MTO1: variants seen among roughly 807,000 people sequenced by gnomAD.
The protein encoded by MTO1 is mitochondrial tRNA translation optimization 1, also known as 5-taurinomethyluridine-[tRNA] synthase subunit MTO1, mitochondrial.
In MTO1, 46 loss-of-function variants were observed where a neutral mutation model predicts 71.6. The ratio of observed to expected loss-of-function variants is 0.64; its 90% CI spans 0.51 to 0.82. The LOEUF (loss-of-function observed/expected upper bound fraction) is 0.82, where lower values mean the gene tolerates loss of function less well. Among genes scored for constraint, MTO1 ranks in the 40% least tolerant of loss-of-function variants. The pLI is 0.00. For missense variants in MTO1, 773 were observed against 867.5 expected (o/e 0.89, Z 1.37); for synonymous variants, 297 against 312.1 (o/e 0.95, Z 0.51).
intron 9 of MTO1, among the ~76,000 whole-genome samples, chr6:73,485,046 C>CAAA (rs56004560): frequency 1.9e-5 from 2 of 105,026 alleles, no homozygotes; most frequent in Non-Finnish European, 3.9e-5. Context: ...GTCTCTGTAT[C>CAAA]AAAAAAAAAA....
At position 73,470,889 on chromosome 6, in the gene MTO1, G is replaced by A. The variant is rs141076078; in HGVS notation, c.536-2476G>A. On this transcript the variant is annotated intron_variant, in intron 3 of 11. Transcript: ENST00000498286. ...AATCACTTGAACCTGGGAGATGGAG[G>A]TTGCAGTGAGCTGAGATCTTGCTAC... Among the ~76,000 whole-genome samples, 4 of 152,264 alleles carry A rather than the reference G, an allele frequency of 2.6e-5. No individual in the cohort carries two copies. In the East Asian group the frequency reaches 7.7e-4, roughly 29 times the overall value.
chr6:73,471,264 A>G (rs1189128767), intron 3 of MTO1, among the ~76,000 whole-genome samples: 1 of 147,674 alleles, frequency 6.8e-6, no homozygotes, highest in Non-Finnish European at 1.5e-5. Flanking sequence ...CTATGATTTT[A>G]TATATAATAT....
At chr6:73,499,286 G>A (rs1268425055) in intron 11 of MTO1, among the ~76,000 whole-genome samples, 3 of 152,032 alleles carry the variant, frequency 2.0e-5, no homozygotes, top group Non-Finnish European at 4.4e-5. Context: ...GGTTATGTTT[G>A]TATGGATAAT....
rs1406435300 is a variant in MTO1, at chr6:73,475,273, T to G, written c.825+1619T>G. Among the ~76,000 whole-genome samples, 7 of 151,382 alleles carry G rather than the reference T, an allele frequency of 4.6e-5. No individual in the cohort carries two copies. The Admixed American group carries it at 4.6e-4, about 10-fold the overall frequency. On this transcript the variant is annotated intron_variant, in intron 4 of 11. Transcript: ENST00000498286. ...CGACCGCACCTGGTCAAATAGGCGT[T>G]TTTTGTTTTGTTTTGTTTTGCTTTT...
intron 4 of MTO1, 43 bp from the exon 5 acceptor site, chr6:73,479,689 G>C (rs1388667154): frequency 6.8e-7 from 1 of 1,468,438 alleles, no homozygotes; most frequent in African/African-American, 1.4e-5. Context: ...AGAGAAACTA[G>C]TAGATAAGCA....
intron 4 of MTO1, among the ~76,000 whole-genome samples, chr6:73,478,424 A>T (rs983932825): frequency 2.0e-5 from 3 of 151,998 alleles, no homozygotes; most frequent in African/African-American, 7.2e-5. Context: ...TACAAAAAAA[A>T]AATAATTGAT....
intron 3 of MTO1, 59 bp from the exon 4 acceptor site, chr6:73,473,306 A>G: frequency 6.9e-7 from 1 of 1,454,850 alleles, no homozygotes; most frequent in Non-Finnish European, 9.3e-7. Flanking sequence ...ATAGATACAT[A>G]GATACATAAA....
In MTO1 at chr6:73,497,722, A is replaced by T. The variant is rs778275428; in HGVS notation, c.1757-14A>T. 2.6e-5 allele frequency: 42 copies of T among 1,606,844 alleles called. No homozygotes were observed. The highest frequency in any genetic ancestry group is 1.1e-4 in the South Asian group (10 of 90,726). ...ATCTGGGTATTATAACATGATTCTGATTTTGTTGACCAGCCACTTATGAAT... is the reference window on the plus strand; with the variant it reads ...ATCTGGGTATTATAACATGATTCTGTTTTTGTTGACCAGCCACTTATGAAT... On this transcript the variant is annotated splice_polypyrimidine_tract_variant and intron_variant, in intron 10 of 11. Coordinates refer to ENST00000498286, the MANE Select transcript of MTO1 (RefSeq NM_012123.4).
intron 10 of MTO1, among the ~76,000 whole-genome samples, chr6:73,496,730 GT>G: frequency 6.7e-6 from 1 of 149,210 alleles, no homozygotes; most frequent in East Asian, 2.0e-4. Context: ...AACATGCAGT[GT>G]TTGGTTCAAA....
At chr6:73,482,345 G>C in intron 8 of MTO1, 101 bp downstream of exon 8, 1 of 1,551,634 alleles carries the variant, frequency 6.4e-7, no homozygotes, top group Non-Finnish European at 8.8e-7. Context: ...CTTGAGGCCA[G>C]GAGTTTAGGA....
intron 4 of MTO1, among the ~76,000 whole-genome samples, chr6:73,477,519 T>TTTTTTGAGA (rs1312885089): frequency 6.6e-6 from 1 of 151,500 alleles, no homozygotes; most frequent in Non-Finnish European, 1.5e-5. Flanking sequence ...CTTTTTTTTT[T>TTTTTTGAGA]TTTTTGAGAT....
intron 10 of MTO1, among the ~76,000 whole-genome samples, chr6:73,497,083 A>G (rs1413190990): frequency 6.6e-6 from 1 of 151,452 alleles, no homozygotes. Context: ...TATCTCTAGG[A>G]CATAAAATTC....
rs552197717 is a variant in MTO1 at position 73,494,969 on chromosome 6, G to A, written c.1756+2617G>A. 5.3e-5 allele frequency among the ~76,000 whole-genome samples: 8 copies of A among 151,586 alleles called. No homozygotes were observed. The South Asian group carries it at 1.7e-3, about 32-fold the overall frequency. On this transcript the variant is annotated intron_variant, in intron 10 of 11. Transcript: ENST00000498286. ...TAATTTTTGTATTTTTTTTAGTAGA[G>A]ACAGTGTTTCACCATGTTGGCCAGG... is the stretch of plus-strand genomic sequence containing the variant.
In MTO1 at chr6:73,497,245, G is replaced by A. The variant is rs1196986626; in HGVS notation, c.1757-491G>A. Among the ~76,000 whole-genome samples the A allele has an allele frequency of 2.3e-5, 3 of 132,724 alleles. No homozygotes were observed. In the South Asian group the frequency reaches 7.7e-4, roughly 34 times the overall value. 87.1% of individuals were successfully genotyped at this position (132,724 alleles called of 152,430 possible). A position where few individuals can be genotyped will look rare whatever the true frequency, so the allele number is the denominator to read the frequency against. On this transcript the variant is annotated intron_variant, in intron 10 of 11. Coordinates refer to ENST00000498286, the MANE Select transcript of MTO1 (RefSeq NM_012123.4). Reference sequence around the variant, plus strand: ...TCGGCTCACTGCAACCTCCACCTCCGGGGTTCAAGCAATTCTCCTGTCTCA... The same window carrying A: ...TCGGCTCACTGCAACCTCCACCTCCAGGGTTCAAGCAATTCTCCTGTCTCA...
At chr6:73,490,881 T>C (rs1771784217) in intron 9 of MTO1, among the ~76,000 whole-genome samples, 2 of 152,034 alleles carry the variant, frequency 1.3e-5, no homozygotes, top group African/African-American at 4.8e-5. Context: ...GGCTTTGTAA[T>C]ATCAAGAGGG....
rs1772181899 is a variant in MTO1, at chr6:73,502,306, T to C, written c.*1571T>C. The C allele has an allele frequency of 6.6e-6, 1 of 152,120 alleles. No homozygotes were observed. The highest frequency in any genetic ancestry group is 2.4e-5 in the African/African-American group (1 of 41,384). 9.4% of individuals were successfully genotyped at this position (152,120 alleles called of 1,614,324 possible). A position where few individuals can be genotyped will look rare whatever the true frequency, so the allele number is the denominator to read the frequency against. ...TAAAAATACCAAAATTAGCCAGGCG[T>C]GGTGGAGCAAGCCTGTAGTCCCAGC... On this transcript the variant is annotated 3_prime_UTR_variant, in exon 12 of 12. Coordinates refer to ENST00000498286, the MANE Select transcript of MTO1 (RefSeq NM_012123.4).
At position 73,503,127 on chromosome 6, in the gene MTO1, G is replaced by T. The variant is rs1461090021; in HGVS notation, c.*2392G>T. 6.6e-6 allele frequency: 1 copy of T among 151,996 alleles called. No individual in the cohort carries two copies. Among genetic ancestry groups the T allele is most frequent in the African/African-American group, 2.4e-5 (1 of 41,394 alleles). The allele number at this position is 151,996 out of a possible 1,614,324, so 9.4% of individuals were successfully genotyped here. On this transcript the variant is annotated 3_prime_UTR_variant, in exon 12 of 12. Coordinates refer to ENST00000498286, the MANE Select transcript of MTO1 (RefSeq NM_012123.4). Reference sequence around the variant, plus strand: ...AGGATGTGAACTTCTTTATTTTTTAGAGACAGGGTCTCACTCTGTTGCCCA... The same window carrying T: ...AGGATGTGAACTTCTTTATTTTTTATAGACAGGGTCTCACTCTGTTGCCCA...
chr6:73,474,064 G>A (rs1455272927), intron 4 of MTO1, among the ~76,000 whole-genome samples: 2 of 151,472 alleles, frequency 1.3e-5, no homozygotes, highest in African/African-American at 4.9e-5. Flanking sequence ...GGGATTGCAG[G>A]TGTAAACCAC....
chr6:73,492,082 C>T (rs973126979), intron 9 of MTO1, 152 bp from the exon 10 acceptor site: 10 of 522,266 alleles, frequency 1.9e-5, no homozygotes, highest in Non-Finnish European at 3.4e-5. Flanking sequence ...AGTTGATGGG[C>T]GACAGAGCGA....
Sources: gnomAD v4.1 joint callset for allele counts (sites outside exome capture counted in the v4.1 genomes callset) on GRCh38, gnomAD v4.1.1 for gene constraint, MANE v1.5 for transcripts, NCBI Gene and HGNC (gene_info 2026-07-23, HGNC 2026-07-21) for gene names.